The following PHACTR1 variants were observed in gnomAD, a reference collection of about 807,000 sequenced individuals.
PHACTR1 encodes the protein RPEL repeat containing 1.
A neutral mutation model predicts 69.2 loss-of-function variants in PHACTR1; 16 were observed. That is an observed-to-expected ratio of 0.23 (90% CI 0.16 to 0.35). The LOEUF (loss-of-function observed/expected upper bound fraction) is 0.35. Among genes scored for constraint, PHACTR1 ranks in the 10% least tolerant of loss-of-function variants. The pLI is 1.00. For synonymous variants in PHACTR1, 312 were observed against 284.5 expected, an observed-to-expected ratio of 1.10 and a Z score of -0.97; for missense variants, 510 against 734.7, an observed-to-expected ratio of 0.69 and a Z score of 3.54.
Position 13,283,573 on chromosome 6 carries a change from G to A in PHACTR1, c.1650+11G>A. 6 of 1,613,760 alleles carry A rather than the reference G, an allele frequency of 3.7e-6. No homozygotes were observed. Among genetic ancestry groups the A allele is most frequent in the Non-Finnish European group, 5.1e-6 (6 of 1,179,860 alleles). On this transcript the variant is annotated intron_variant, in intron 13 of 14. Transcript: ENST00000332995. This position sits in a 1 kb window ranked among gnomAD's most constrained non-coding sequence, Gnocchi z 4.7. ...ACCGCTGCAGACAAAGTAAGCAGAG[G>A]GGAGTGCTGGAGAGTGGGAGGCAGG...
At chr6:12,862,865 T>C (rs1008806245) in intron 4 of PHACTR1, among the ~76,000 whole-genome samples, 11 of 152,228 alleles carry the variant, frequency 7.2e-5, no homozygotes, top group African/African-American at 2.7e-4. Context: ...AGTCTAGAAG[T>C]GGCCAGGAAG....
intron 4 of PHACTR1, among the ~76,000 whole-genome samples, chr6:12,810,025 C>T (rs1258813621): frequency 1.3e-5 from 2 of 152,148 alleles, no homozygotes. Flanking sequence ...TTCTTAAAAT[C>T]TGTGTGTAGA....
intron 9 of PHACTR1, among the ~76,000 whole-genome samples, chr6:13,228,428 CT>C (rs1195525976): frequency 2.0e-5 from 3 of 152,168 alleles, no homozygotes; most frequent in East Asian, 3.8e-4. Flanking sequence ...TCAAATACTA[CT>C]CACTGTGTAT....
At chr6:12,885,715 G>A (rs1783569315) in intron 4 of PHACTR1, among the ~76,000 whole-genome samples, 1 of 152,140 alleles carries the variant, frequency 6.6e-6, no homozygotes, top group Non-Finnish European at 1.5e-5. Context: ...CCTTACAAAC[G>A]TGGAAATCAA....
chr6:13,192,511 G>A (rs1476978130), intron 7 of PHACTR1, among the ~76,000 whole-genome samples: 2 of 152,200 alleles, frequency 1.3e-5, no homozygotes, highest in Non-Finnish European at 2.9e-5. Context: ...TGAATGTCAC[G>A]AGGAAGGATT....
At chr6:13,076,442 C>T (rs1385938819) in intron 5 of PHACTR1, among the ~76,000 whole-genome samples, 1 of 152,152 alleles carries the variant, frequency 6.6e-6, no homozygotes, top group Non-Finnish European at 1.5e-5. Context: ...AAACACGGAA[C>T]ACCTAGCAAC....
At chr6:12,876,423 A>C (rs1285155277) in intron 4 of PHACTR1, among the ~76,000 whole-genome samples, 1 of 152,228 alleles carries the variant, frequency 6.6e-6, no homozygotes, top group Non-Finnish European at 1.5e-5. Flanking sequence ...AGAAGCAGTT[A>C]AGAGACTTAT....
chr6:13,065,062 G>A (rs1025167551), intron 5 of PHACTR1, among the ~76,000 whole-genome samples: 2 of 152,076 alleles, frequency 1.3e-5, no homozygotes, highest in Non-Finnish European at 2.9e-5. Context: ...GCAGATTTGT[G>A]AGGGGAAAAG....
chr6:12,978,708 T>G (rs780596022), intron 4 of PHACTR1, among the ~76,000 whole-genome samples: 11 of 152,244 alleles, frequency 7.2e-5, no homozygotes, highest in Non-Finnish European at 1.6e-4. Flanking sequence ...CGGTGTTGGC[T>G]CATAGTTGAT....
At chr6:12,789,268 C>T (rs1771926236) in intron 4 of PHACTR1, among the ~76,000 whole-genome samples, 1 of 152,132 alleles carries the variant, frequency 6.6e-6, no homozygotes, top group African/African-American at 2.4e-5. Flanking sequence ...CCTCTCTCTA[C>T]CCCATTGGTA....
chr6:12,932,741 T>G (rs1789006796), intron 4 of PHACTR1, among the ~76,000 whole-genome samples: 1 of 152,176 alleles, frequency 6.6e-6, no homozygotes, highest in Non-Finnish European at 1.5e-5. Flanking sequence ...CATTAATCCA[T>G]AGAGTAACCC....
intron 13 of PHACTR1, among the ~76,000 whole-genome samples, chr6:13,285,910 A>G (rs1781587790): frequency 6.6e-6 from 1 of 152,226 alleles, no homozygotes; most frequent in South Asian, 2.1e-4. Context: ...AAAGAGGAAG[A>G]AAAACACACT....
At chr6:12,940,171 G>C (rs1789921030) in intron 4 of PHACTR1, among the ~76,000 whole-genome samples, 1 of 152,160 alleles carries the variant, frequency 6.6e-6, no homozygotes, top group Non-Finnish European at 1.5e-5. Flanking sequence ...TCTTGCAACA[G>C]CACCAATCAC....
At chr6:13,272,720 G>A (rs1469462470) in intron 10 of PHACTR1, 140 bp from the exon 11 acceptor site, 28 of 1,592,258 alleles carry the variant, frequency 1.8e-5, no homozygotes, top group East Asian at 2.3e-5. Context: ...CGGTGGTGGC[G>A]AGAGTCAGTC....
chr6:13,212,782 C>T lies in PHACTR1; in HGVS notation c.986+6646C>T, dbSNP rs1488704694. Among the ~76,000 whole-genome samples the T allele has an allele frequency of 3.3e-5, 5 of 152,146 alleles. No homozygotes were observed. The South Asian group carries it at 1.0e-3, about 32-fold the overall frequency. ...CCTTGGCACTGGCTGTTCCCCTGGA[C>T]GGACTGCCCTTCCCTCAAATATCCT... On this transcript the variant is annotated intron_variant, in intron 8 of 14. Transcript: ENST00000332995.
At chr6:12,882,528 AAT>A (rs1783204820) in intron 4 of PHACTR1, among the ~76,000 whole-genome samples, 2 of 152,236 alleles carry the variant, frequency 1.3e-5, no homozygotes, top group Admixed American at 1.3e-4. Flanking sequence ...TGTAGAAAGA[AAT>A]GTTTTCATCT....
At position 12,775,397 on chromosome 6, in the gene PHACTR1, A is replaced by G. The variant is rs146843233; in HGVS notation, c.250+25607A>G. Among the ~76,000 whole-genome samples, 855 of 152,344 alleles carry G rather than the reference A, an allele frequency of 5.6e-3. 3 individuals carry two copies. The highest frequency in any genetic ancestry group is 7.8e-3 in the Admixed American group (120 of 15,298). On this transcript the variant is annotated intron_variant, in intron 4 of 14. Coordinates refer to ENST00000332995, the MANE Select transcript of PHACTR1 (RefSeq NM_030948.6). ...TGTTGCCACATAGTTAACTAGTAAT[A>G]TAGTAAATACAGTATGAGAACACAC...
intron 4 of PHACTR1, among the ~76,000 whole-genome samples, chr6:12,831,060 C>T (rs2127728206): frequency 6.6e-6 from 1 of 152,202 alleles, no homozygotes; most frequent in African/African-American, 2.4e-5. Context: ...CAGAAACCTA[C>T]AACATACAAA....
chr6:13,090,444 G>GC (rs1447971306), intron 5 of PHACTR1, among the ~76,000 whole-genome samples: 1 of 151,940 alleles, frequency 6.6e-6, no homozygotes. Context: ...TCCTGCCTCA[G>GC]CCTCCCGAGT....
Sources: allele counts gnomAD v4.1 joint callset (sites outside exome capture counted in the v4.1 genomes callset), GRCh38; gene constraint gnomAD v4.1.1; non-coding constraint Gnocchi (gnomAD v3.1); transcripts MANE v1.5; gene names NCBI Gene and HGNC (gene_info 2026-07-23, HGNC 2026-07-21).